Variants in PRKCA observed in about 807,000 individuals in gnomAD.
PRKCA encodes the protein protein kinase C alpha, also known as protein kinase C alpha type.
Under a neutral mutation model 87.0 loss-of-function variants are expected in PRKCA, and 27 were observed. The observed-to-expected ratio is 0.31, with a 90% CI of 0.23 to 0.43. The LOEUF (loss-of-function observed/expected upper bound fraction) is 0.43, where lower values mean the gene tolerates loss of function less well. Ranked by LOEUF, PRKCA falls within the 20% of genes least tolerant of loss-of-function variation. The probability of loss-of-function intolerance (pLI) is 1.00; values close to 1 mark genes in which losing one functional copy is unlikely to be tolerated. For synonymous variants in PRKCA, 329 were observed against 311.1 expected, an observed-to-expected ratio of 1.06 and a Z score of -0.61; for missense variants, 518 against 852.3, an observed-to-expected ratio of 0.61 and a Z score of 4.88.
chr17:66,427,729 T>G (rs1016289974), intron 2 of PRKCA, among the ~76,000 whole-genome samples: 10 of 152,194 alleles, frequency 6.6e-5, no homozygotes, highest in Non-Finnish European at 1.5e-4. Context: ...TAACATCAAG[T>G]GCAGATTTGT....
At chr17:66,487,245 T>A (rs1916023509) in intron 2 of PRKCA, among the ~76,000 whole-genome samples, 2 of 152,170 alleles carry the variant, frequency 1.3e-5, no homozygotes, top group South Asian at 4.1e-4. Context: ...CTTTTTTAGC[T>A]CCCACATATG....
At chr17:66,761,926 G>A (rs1268982645) in intron 13 of PRKCA, among the ~76,000 whole-genome samples, 2 of 152,164 alleles carry the variant, frequency 1.3e-5, no homozygotes, top group Non-Finnish European at 2.9e-5. Context: ...CTCAGTGGGA[G>A]TGAGCAAAGG....
intron 2 of PRKCA, among the ~76,000 whole-genome samples, chr17:66,420,235 T>C (rs1241214968): frequency 6.6e-6 from 1 of 152,112 alleles, no homozygotes; most frequent in East Asian, 1.9e-4. Context: ...GGTCTTGATC[T>C]CCTGACCTGG....
At chr17:66,622,863 G>A (rs1190863758) in intron 3 of PRKCA, among the ~76,000 whole-genome samples, 10 of 152,156 alleles carry the variant, frequency 6.6e-5, no homozygotes, top group East Asian at 3.8e-4. Flanking sequence ...CGGGGGAACC[G>A]CCCCCATGAT....
rs1008436490 is a variant in PRKCA at position 66,803,517 on chromosome 17, G to A, written c.1855-356G>A. On this transcript the variant is annotated intron_variant, in intron 16 of 16. Coordinates refer to ENST00000413366, the MANE Select transcript of PRKCA (RefSeq NM_002737.3). The surrounding 1 kb of genome is among the most constrained non-coding windows in gnomAD (Gnocchi z 4.4). ...AGCCGACATCCTGGCCTTTCAACAC[G>A]GAGCTGTGACTGACGGCCCTGCGTG... is the stretch of plus-strand genomic sequence containing the variant. 8.5e-5 allele frequency among the ~76,000 whole-genome samples: 13 copies of A among 152,196 alleles called. No homozygotes were observed. Among genetic ancestry groups the A allele is most frequent in the East Asian group, 1.9e-4 (1 of 5,184 alleles).
intron 3 of PRKCA, among the ~76,000 whole-genome samples, chr17:66,496,940 G>C (rs1479473616): frequency 6.6e-6 from 1 of 151,222 alleles, no homozygotes; most frequent in East Asian, 2.0e-4. Context: ...ACTGGGCCCT[G>C]CCACCCTTCA....
rs111665766 is a variant in PRKCA, at chr17:66,651,457, A to ATTG, written c.529+5947_529+5949dup. ...ACAGTGAGCAGAGACCTTCTCTATC[A>ATTG]TTGCTGGGTAAGGAGACGCAGCAGG... On this transcript the variant is annotated intron_variant, in intron 5 of 16. Transcript: ENST00000413366. Among the ~76,000 whole-genome samples, 241 of 152,312 alleles carry ATTG rather than the reference A, an allele frequency of 1.6e-3. 1 individual carries two copies. The highest frequency in any genetic ancestry group is 5.7e-3 in the African/African-American group (235 of 41,566).
At chr17:66,526,484 G>A (rs531554016) in intron 3 of PRKCA, among the ~76,000 whole-genome samples, 20 of 152,246 alleles carry the variant, frequency 1.3e-4, no homozygotes, top group African/African-American at 4.1e-4. Context: ...TGGACTCTGC[G>A]CCGTACCTCT....
chr17:66,572,863 G>A (rs1414800581), intron 3 of PRKCA, among the ~76,000 whole-genome samples: 2 of 152,136 alleles, frequency 1.3e-5, no homozygotes, highest in Admixed American at 6.5e-5. Context: ...AGTATGAGAT[G>A]AATATCTGTC....
intron 8 of PRKCA, among the ~76,000 whole-genome samples, chr17:66,708,992 G>A (rs1973253442): frequency 6.6e-6 from 1 of 152,178 alleles, no homozygotes; most frequent in South Asian, 2.1e-4. Flanking sequence ...TGGAATAGAA[G>A]ATAACCCATA....
chr17:66,318,844 G>T (rs1351321711), intron 2 of PRKCA, among the ~76,000 whole-genome samples: 1 of 151,254 alleles, frequency 6.6e-6, no homozygotes, highest in African/African-American at 2.4e-5. Context: ...AACAGAGCAA[G>T]ACTCGGTCTC....
chr17:66,460,818 C>A (rs1914815130), intron 2 of PRKCA, among the ~76,000 whole-genome samples: 1 of 152,162 alleles, frequency 6.6e-6, no homozygotes, highest in African/African-American at 2.4e-5. Context: ...CAGCTCCTAC[C>A]CCAGAGGTTG....
intron 2 of PRKCA, among the ~76,000 whole-genome samples, chr17:66,485,409 A>G (rs767614443): frequency 3.3e-5 from 5 of 152,184 alleles, no homozygotes; most frequent in Non-Finnish European, 5.9e-5. Flanking sequence ...GCCAAGAAGC[A>G]GGACTGTCCT....
At chr17:66,715,800 G>A (rs1973458750) in intron 8 of PRKCA, among the ~76,000 whole-genome samples, 4 of 151,854 alleles carry the variant, frequency 2.6e-5, no homozygotes, top group Admixed American at 2.6e-4. Flanking sequence ...CCCATTTACT[G>A]GGACTTCACC....
At chr17:66,462,017 T>C (rs1914877987) in intron 2 of PRKCA, among the ~76,000 whole-genome samples, 1 of 152,162 alleles carries the variant, frequency 6.6e-6, no homozygotes, top group Admixed American at 6.5e-5. Context: ...GTCTAGTTTT[T>C]TCTTTTTTGA....
intron 3 of PRKCA, among the ~76,000 whole-genome samples, chr17:66,585,682 G>A (rs115709266): frequency 3.3e-5 from 5 of 152,330 alleles, no homozygotes; most frequent in Non-Finnish European, 5.9e-5. Flanking sequence ...GTGGGGAGCC[G>A]CGGAGCAGGG....
Position 66,689,821 on chromosome 17 carries a change from G to A in PRKCA, c.918+774G>A, listed in dbSNP as rs1972730885. The stretch of plus-strand genomic sequence containing the variant: ...ATCACCCTTCATTTTGGCTGTTCGA[G>A]GGACTCCTAGAGTAGCCTTTTCAGT... On this transcript the variant is annotated intron_variant, in intron 8 of 16. Coordinates refer to ENST00000413366, the MANE Select transcript of PRKCA (RefSeq NM_002737.3). This position sits in a 1 kb window ranked among gnomAD's most constrained non-coding sequence, Gnocchi z 4.1. 6.6e-6 allele frequency among the ~76,000 whole-genome samples: 1 copy of A among 152,184 alleles called. No individual in the cohort carries two copies. Among genetic ancestry groups the A allele is most frequent in the South Asian group, 2.1e-4 (1 of 4,836 alleles).
At chr17:66,333,612 G>A (rs183507339) in intron 2 of PRKCA, among the ~76,000 whole-genome samples, 213 of 152,248 alleles carry the variant, frequency 1.4e-3, no homozygotes, top group Non-Finnish European at 4.7e-4. Flanking sequence ...CCCATGCCCT[G>A]TGCTTGTGAA....
intron 3 of PRKCA, among the ~76,000 whole-genome samples, chr17:66,560,914 A>G (rs917781613): frequency 6.6e-6 from 1 of 152,172 alleles, no homozygotes; most frequent in Non-Finnish European, 1.5e-5. Flanking sequence ...CAGTGGTCCA[A>G]GGAGATTGTC....
Sources: allele counts gnomAD v4.1 joint callset (sites outside exome capture counted in the v4.1 genomes callset), GRCh38; gene constraint gnomAD v4.1.1; non-coding constraint Gnocchi (gnomAD v3.1); transcripts MANE v1.5; gene names NCBI Gene and HGNC (gene_info 2026-07-23, HGNC 2026-07-21).